Variants in LRGUK observed in about 807,000 individuals in gnomAD.
LRGUK encodes the protein leucine-rich repeat and guanylate kinase domain-containing protein.
A neutral mutation model predicts 76.0 loss-of-function variants in LRGUK; 65 were observed. The ratio of observed to expected loss-of-function variants is 0.85; its 90% CI spans 0.70 to 1.05. The LOEUF is 1.05. Ranked by LOEUF, LRGUK falls within the 50% of genes least tolerant of loss-of-function variation. The pLI is 0.00. For missense variants in LRGUK, 758 were observed against 732.8 expected (o/e 1.03, Z -0.40); for synonymous variants, 268 against 265.6 (o/e 1.01, Z -0.09).
intron 5 of LRGUK, among the ~76,000 whole-genome samples, chr7:134,150,760 T>C (rs1585442831): frequency 6.6e-6 from 1 of 152,150 alleles, no homozygotes; most frequent in East Asian, 1.9e-4. Context: ...TACATTTAGC[T>C]TTCCATGTAA....
intron 6 of LRGUK, 83 bp downstream of exon 6, chr7:134,158,242 C>A: frequency 8.1e-7 from 1 of 1,230,480 alleles, no homozygotes; most frequent in South Asian, 1.7e-5. Context: ...ACTTAGGATT[C>A]AAATATATAA....
chr7:134,245,613 T>C (rs1204990921), intron 16 of LRGUK, among the ~76,000 whole-genome samples: 1 of 152,170 alleles, frequency 6.6e-6, no homozygotes, highest in African/African-American at 2.4e-5. Context: ...TATGTGGAAT[T>C]CTAGAAGATC....
intron 15 of LRGUK, among the ~76,000 whole-genome samples, chr7:134,203,034 C>A (rs1442405366): frequency 6.6e-6 from 1 of 151,980 alleles, no homozygotes; most frequent in Non-Finnish European, 1.5e-5. Context: ...GAAACCCTGT[C>A]TCTACTAAAA....
chr7:134,184,904 G>A (rs995229720), intron 11 of LRGUK, among the ~76,000 whole-genome samples: 5 of 152,230 alleles, frequency 3.3e-5, no homozygotes, highest in Admixed American at 1.3e-4. Flanking sequence ...CAGTATGATA[G>A]CATGAATCAC....
chr7:134,197,140 TA>T, intron 13 of LRGUK, 35 bp downstream of exon 13: 1 of 1,300,616 alleles, frequency 7.7e-7, no homozygotes, highest in Non-Finnish European at 1.1e-6. Context: ...AATGTGTGTG[TA>T]GTTTGTGTGA....
chr7:134,143,491 ATTAC>A (rs1308196695), intron 4 of LRGUK, among the ~76,000 whole-genome samples: 1 of 152,122 alleles, frequency 6.6e-6, no homozygotes, highest in South Asian at 2.1e-4. Flanking sequence ...TTTTAAAAAT[ATTAC>A]TTGGTACATT....
chr7:134,242,946 C>T (rs1198324433), intron 16 of LRGUK, among the ~76,000 whole-genome samples: 1 of 152,162 alleles, frequency 6.6e-6, no homozygotes, highest in Non-Finnish European at 1.5e-5. Context: ...GAACCAAAGA[C>T]AAAAACCACA....
At chr7:134,232,517 A>G (rs1801926407) in intron 16 of LRGUK, among the ~76,000 whole-genome samples, 1 of 152,070 alleles carries the variant, frequency 6.6e-6, no homozygotes, top group Admixed American at 6.5e-5. Flanking sequence ...TGACCTCGTG[A>G]TCTGCCCACC....
the LRGUK span, among the ~76,000 whole-genome samples, chr7:134,275,605 A>C: frequency 5.9e-5 from 9 of 152,302 alleles, no homozygotes; most frequent in East Asian, 1.4e-3. Context: ...TTCTAGTGCC[A>C]GTTACCCTTG....
intron 12 of LRGUK, among the ~76,000 whole-genome samples, chr7:134,194,313 G>C (rs1427313424): frequency 1.3e-5 from 2 of 151,912 alleles, no homozygotes; most frequent in African/African-American, 2.4e-5. Context: ...CACAGTAGAA[G>C]GTCCTTGTAC....
At chr7:134,184,897 T>C (rs899133739) in intron 11 of LRGUK, among the ~76,000 whole-genome samples, 7 of 152,266 alleles carry the variant, frequency 4.6e-5, no homozygotes, top group African/African-American at 1.7e-4. Context: ...TGCCTTGCAG[T>C]ATGATAGCAT....
chr7:134,247,417 A>C (rs1204611378), intron 16 of LRGUK, 139 bp from the exon 17 acceptor site: 3 of 538,478 alleles, frequency 5.6e-6, no homozygotes, highest in Non-Finnish European at 9.7e-6. Context: ...AGTGAATATC[A>C]ATTGTTTTTT....
chr7:134,201,585 C>T lies in LRGUK; in HGVS notation c.1843+9C>T. The T allele has an allele frequency of 6.3e-7, 1 of 1,587,814 alleles. No homozygotes were observed. Among genetic ancestry groups the T allele is most frequent in the Non-Finnish European group, 8.6e-7 (1 of 1,166,390 alleles). ...TTTGGCTACAACTGCAGGTACTATT[C>T]TATCATTTTTGTGCCAGGATTTTTT... is the stretch of plus-strand genomic sequence containing the variant. On this transcript the variant is annotated intron_variant, in intron 15 of 15. Coordinates refer to ENST00000645682, the Ensembl canonical transcript of LRGUK.
At chr7:134,222,556 A>G (rs1215278940) in intron 16 of LRGUK, among the ~76,000 whole-genome samples, 1 of 151,766 alleles carries the variant, frequency 6.6e-6, no homozygotes, top group East Asian at 1.9e-4. Flanking sequence ...TTGGTTGTCA[A>G]TTCCTTGTGA....
chr7:134,259,801 A>G lies in LRGUK; in HGVS notation c.2347+1396A>G, dbSNP rs548028142. The stretch of plus-strand genomic sequence containing the variant: ...TGGGAAATGTTCTAGGAATTCTGTA[A>G]AGGCTGGGACCTGCCACTCCAGGGC... On this transcript the variant is annotated intron_variant, in intron 19 of 19. Coordinates refer to the LRGUK transcript ENST00000285928. Among the ~76,000 whole-genome samples, 275 of 152,262 alleles carry G rather than the reference A, an allele frequency of 1.8e-3. 1 individual carries two copies. Among genetic ancestry groups the G allele is most frequent in the African/African-American group, 6.5e-3 (269 of 41,544 alleles).
chr7:134,166,470 G>T (rs1442098885), intron 7 of LRGUK, among the ~76,000 whole-genome samples: 1 of 152,128 alleles, frequency 6.6e-6, no homozygotes, highest in Non-Finnish European at 1.5e-5. Context: ...CAGTCTGGGA[G>T]TGACTTCGAA....
chr7:134,265,956 C>T (rs1385416400), downstream of LRGUK, among the ~76,000 whole-genome samples: 2 of 152,172 alleles, frequency 1.3e-5, no homozygotes, highest in Non-Finnish European at 2.9e-5. Context: ...GGTGCCTCTC[C>T]CCCTCCCAGT....
chr7:134,170,995 A>G (rs189317482), intron 7 of LRGUK, among the ~76,000 whole-genome samples: 2 of 152,282 alleles, frequency 1.3e-5, no homozygotes, highest in Admixed American at 6.5e-5. Context: ...TCTTTTAAGT[A>G]TACACCATTC....
chr7:134,187,617 A>G (rs889862039), intron 11 of LRGUK, among the ~76,000 whole-genome samples: 4 of 152,190 alleles, frequency 2.6e-5, no homozygotes, highest in African/African-American at 9.7e-5. Context: ...AAATATGTTG[A>G]ATGTTCTTTC....
Sources: gnomAD v4.1 joint callset for allele counts (sites outside exome capture counted in the v4.1 genomes callset) on GRCh38, gnomAD v4.1.1 for gene constraint, MANE v1.5 for transcripts, NCBI Gene and HGNC (gene_info 2026-07-23, HGNC 2026-07-21) for gene names.